RASGEF1C: variants seen among roughly 807,000 people sequenced by gnomAD.
RASGEF1C encodes the protein RasGEF domain family member 1C.
Under a neutral mutation model 58.1 loss-of-function variants are expected in RASGEF1C, and 27 were observed. That is an observed-to-expected ratio of 0.46 (90% CI 0.34 to 0.64). The LOEUF (loss-of-function observed/expected upper bound fraction) is 0.64. Ranked by LOEUF, RASGEF1C falls within the 30% of genes least tolerant of loss-of-function variation. RASGEF1C has a pLI of 0.01. For synonymous variants in RASGEF1C, 243 were observed against 246.3 expected, an observed-to-expected ratio of 0.99 and a Z score of 0.13; for missense variants, 502 against 605.1, an observed-to-expected ratio of 0.83 and a Z score of 1.79.
intron 10 of RASGEF1C, 24 bp from the exon 11 acceptor site, chr5:180,114,565 G>C: frequency 1.9e-6 from 3 of 1,592,032 alleles, no homozygotes; most frequent in Non-Finnish European, 2.6e-6. Context: ...GGGGCAGGTC[G>C]GCCCCAGCCG....
chr5:180,113,743 C>T (rs1403058211), intron 11 of RASGEF1C, among the ~76,000 whole-genome samples: 8 of 148,046 alleles, frequency 5.4e-5, no homozygotes, highest in South Asian at 2.1e-4. Context: ...ACGGAGGGAC[C>T]GGGGATGGAC....
At chr5:180,182,010 T>C (rs112482374) in intron 1 of RASGEF1C, among the ~76,000 whole-genome samples, 18,999 of 151,432 alleles carry the variant, frequency 0.13, 1,266 homozygotes, top group East Asian at 0.21. Flanking sequence ...GAGACCATCC[T>C]GGCTAACACG....
chr5:180,120,281 C>T (rs1766145730), intron 7 of RASGEF1C, among the ~76,000 whole-genome samples: 1 of 152,214 alleles, frequency 6.6e-6, no homozygotes, highest in African/African-American at 2.4e-5. Flanking sequence ...GGGCAGTCCG[C>T]CCTGTGATGG....
chr5:180,200,609 A>G (rs7724710), intron 1 of RASGEF1C, among the ~76,000 whole-genome samples: 145,618 of 152,058 alleles, frequency 0.96, 70,018 homozygotes, highest in Non-Finnish European at 1. Context: ...CACCGCGCCC[A>G]GCCAAGTACA....
At chr5:180,160,513 GC>G (rs1044770616) in intron 1 of RASGEF1C, among the ~76,000 whole-genome samples, 1 of 152,252 alleles carries the variant, frequency 6.6e-6, no homozygotes, top group African/African-American at 2.4e-5. Flanking sequence ...CCAAGGCAAA[GC>G]CCCCCGAACT....
At chr5:180,170,473 T>C (rs1195792592) in intron 1 of RASGEF1C, among the ~76,000 whole-genome samples, 1 of 152,190 alleles carries the variant, frequency 6.6e-6, no homozygotes, top group African/African-American at 2.4e-5. Context: ...TAGCGTCTCA[T>C]TCAACTCCCC....
chr5:180,200,114 T>A (rs1756358095), intron 1 of RASGEF1C, among the ~76,000 whole-genome samples: 1 of 151,450 alleles, frequency 6.6e-6, no homozygotes, highest in South Asian at 2.1e-4. Context: ...ACAAAAATTA[T>A]CTGGGCACGG....
chr5:180,107,185 C>T (rs1172746846), intron 12 of RASGEF1C, among the ~76,000 whole-genome samples: 1 of 152,024 alleles, frequency 6.6e-6, no homozygotes, highest in Non-Finnish European at 1.5e-5. Flanking sequence ...TTGTAGATAG[C>T]CTATAGTTGG....
intron 1 of RASGEF1C, among the ~76,000 whole-genome samples, chr5:180,140,580 G>A (rs1052124596): frequency 6.6e-6 from 1 of 152,324 alleles, no homozygotes; most frequent in South Asian, 2.1e-4. Context: ...GCTGCTACCA[G>A]CGGGCTCCCC....
chr5:180,163,287 A>T (rs114034101), intron 1 of RASGEF1C, among the ~76,000 whole-genome samples: 1,329 of 124,892 alleles, frequency 0.011, 17 homozygotes, highest in African/African-American at 0.038. Flanking sequence ...TTCCAGTAGG[A>T]TACTGATAGG....
chr5:180,184,771 G>A (rs1756000186), intron 1 of RASGEF1C, among the ~76,000 whole-genome samples: 1 of 152,110 alleles, frequency 6.6e-6, no homozygotes, highest in African/African-American at 2.4e-5. Flanking sequence ...ATGATTATCG[G>A]AATAGATTTC....
At chr5:180,170,166 G>T (rs960333404) in intron 1 of RASGEF1C, among the ~76,000 whole-genome samples, 1 of 152,220 alleles carries the variant, frequency 6.6e-6, no homozygotes, top group Non-Finnish European at 1.5e-5. Context: ...CCTCCTGGCC[G>T]AGTGGATGAG....
At chr5:180,136,262 G>T (rs1766469435) in intron 4 of RASGEF1C, 116 bp downstream of exon 4, 2 of 1,095,918 alleles carry the variant, frequency 1.8e-6, no homozygotes, top group Non-Finnish European at 1.3e-6. Context: ...GCTGGATTTG[G>T]ACGGGCCGTG....
At chr5:180,142,098 G>A (rs1251912736) in intron 1 of RASGEF1C, among the ~76,000 whole-genome samples, 3 of 152,134 alleles carry the variant, frequency 2.0e-5, no homozygotes, top group African/African-American at 7.2e-5. Context: ...GAGTCTTGGG[G>A]GCTGCATAGA....
intron 1 of RASGEF1C, among the ~76,000 whole-genome samples, chr5:180,152,911 C>CAAAA (rs755521241): frequency 8.4e-5 from 6 of 71,700 alleles, no homozygotes; most frequent in African/African-American, 2.6e-4. Context: ...AACCCCATCT[C>CAAAA]AAAAAAAAAA....
chr5:180,152,519 C>T (rs1226898714), intron 1 of RASGEF1C, among the ~76,000 whole-genome samples: 1 of 133,444 alleles, frequency 7.5e-6, no homozygotes, highest in African/African-American at 2.9e-5. Flanking sequence ...ACAATGAGAA[C>T]ACATGGACAC....
chr5:180,185,904 C>G (rs1027473480), intron 1 of RASGEF1C, among the ~76,000 whole-genome samples: 4 of 151,938 alleles, frequency 2.6e-5, no homozygotes, highest in Admixed American at 2.6e-4. Flanking sequence ...TCAAGACCAG[C>G]CTGGGCAACA....
In RASGEF1C at chr5:180,119,403, C is replaced by G; in HGVS notation, c.850G>C (p.Asp284His). The G allele has an allele frequency of 6.2e-7, 1 of 1,614,154 alleles. No homozygotes were observed. The change falls in exon 8 of 14, where the codon GAC becomes CAC. Residue 284 changes from aspartate (D) to histidine (H), a missense_variant. By Grantham distance (81) the Asp-to-His change is moderately conservative. Transcript: ENST00000361132. ...ATGTTGAAGCACTCGCGGGCCACGT[C>G]GATGAAGAACTCAATCACCTGGGCC... ...QRAQVIEFFI[D>H]VARECFNIGN...
At chr5:180,110,803 T>G (rs967265101) in intron 12 of RASGEF1C, among the ~76,000 whole-genome samples, 6 of 148,960 alleles carry the variant, frequency 4.0e-5, no homozygotes, top group South Asian at 2.1e-4. Flanking sequence ...CCACGTAAGC[T>G]CTGGGAAGGT....
Sources: allele counts gnomAD v4.1 joint callset (sites outside exome capture counted in the v4.1 genomes callset), GRCh38; gene constraint gnomAD v4.1.1; transcripts MANE v1.5; gene names NCBI Gene and HGNC (gene_info 2026-07-23, HGNC 2026-07-21).